Variants in NALF1 observed in about 807,000 individuals in gnomAD.
The protein encoded by NALF1 is NALCN channel auxiliary factor 1, also known as family with sequence similarity 155 member A.
In NALF1, 3 loss-of-function variants were observed where a neutral mutation model predicts 48.4. That is an observed-to-expected ratio of 0.06 (90% CI 0.03 to 0.16). NALF1 has a LOEUF of 0.16. NALF1 is among the 10% of genes least tolerant of loss of function. NALF1 has a pLI of 1.00. For synonymous variants in NALF1, 262 were observed against 245.7 expected, an observed-to-expected ratio of 1.07 and a Z score of -0.62; for missense variants, 526 against 571.5, an observed-to-expected ratio of 0.92 and a Z score of 0.81.
intron 1 of NALF1, among the ~76,000 whole-genome samples, chr13:107,227,177 A>T (rs1880123928): frequency 6.6e-6 from 1 of 152,230 alleles, no homozygotes; most frequent in Non-Finnish European, 1.5e-5. Flanking sequence ...CTGTTTGTGC[A>T]TCATGCACCA....
At chr13:107,197,969 G>A (rs985148034) in intron 2 of NALF1, among the ~76,000 whole-genome samples, 1 of 152,132 alleles carries the variant, frequency 6.6e-6, no homozygotes, top group African/African-American at 2.4e-5. Flanking sequence ...AAAAGTATTA[G>A]TCTATATTTC....
At chr13:107,363,377 C>T (rs772092039) in intron 1 of NALF1, among the ~76,000 whole-genome samples, 2 of 152,022 alleles carry the variant, frequency 1.3e-5, no homozygotes, top group African/African-American at 2.4e-5. Flanking sequence ...AAGGATCACT[C>T]GAGCCTAGGA....
intron 1 of NALF1, among the ~76,000 whole-genome samples, chr13:107,356,667 A>C (rs1882968883): frequency 1.3e-5 from 2 of 152,212 alleles, no homozygotes; most frequent in African/African-American, 2.4e-5. Context: ...CACCAGAGCA[A>C]AGTTTTAGAC....
intron 1 of NALF1, among the ~76,000 whole-genome samples, chr13:107,337,834 G>A (rs919329455): frequency 2.0e-5 from 3 of 152,086 alleles, no homozygotes; most frequent in Non-Finnish European, 4.4e-5. Flanking sequence ...ACGTCTCTAA[G>A]CCTCTATTGT....
chr13:107,347,301 G>A (rs966363972), intron 1 of NALF1, among the ~76,000 whole-genome samples: 3 of 152,168 alleles, frequency 2.0e-5, no homozygotes, highest in Non-Finnish European at 2.9e-5. Context: ...CACTTGCCTA[G>A]GACACCACCA....
In NALF1 at chr13:107,349,875, C is replaced by T. The variant is rs570441706; in HGVS notation, c.916-139120G>A. Among the ~76,000 whole-genome samples, 88 of 152,158 alleles carry T rather than the reference C, an allele frequency of 5.8e-4. No homozygotes were observed. The South Asian group carries it at 0.018, about 31-fold the overall frequency. On this transcript the variant is annotated intron_variant, in intron 1 of 2. Transcript: ENST00000375915. ...TTTATATTCTCTATTGCAGTGGTCC[C>T]CAACCATTTTGGCACCAGGAACCGA... is the stretch of plus-strand genomic sequence containing the variant.
At chr13:107,329,555 G>T (rs886115446) in intron 1 of NALF1, among the ~76,000 whole-genome samples, 3 of 151,552 alleles carry the variant, frequency 2.0e-5, no homozygotes, top group Non-Finnish European at 2.9e-5. Context: ...CAACGTGCAG[G>T]TTTGTTACAT....
chr13:107,782,659 C>A (rs1877930963), intron 1 of NALF1, among the ~76,000 whole-genome samples: 1 of 151,702 alleles, frequency 6.6e-6, no homozygotes, highest in Non-Finnish European at 1.5e-5. Context: ...AGCGTCTCTG[C>A]CCGGCCGGCC....
chr13:107,717,373 C>T (rs1300776521), intron 1 of NALF1, among the ~76,000 whole-genome samples: 1 of 152,114 alleles, frequency 6.6e-6, no homozygotes, highest in Non-Finnish European at 1.5e-5. Flanking sequence ...CCAGCACATA[C>T]CCACAGAATC....
At chr13:107,447,543 G>A (rs1171478511) in intron 1 of NALF1, among the ~76,000 whole-genome samples, 1 of 152,132 alleles carries the variant, frequency 6.6e-6, no homozygotes, top group Non-Finnish European at 1.5e-5. Flanking sequence ...CAATATGCTA[G>A]GCATCATTCT....
intron 1 of NALF1, among the ~76,000 whole-genome samples, chr13:107,643,962 ATTT>A (rs35582790): frequency 6.2e-4 from 86 of 138,110 alleles, no homozygotes; most frequent in Admixed American, 2.1e-3. Context: ...GTTTCAGATG[ATTT>A]TTTTTTTTTT....
At chr13:107,753,148 G>C (rs2138554379) in intron 1 of NALF1, among the ~76,000 whole-genome samples, 1 of 152,278 alleles carries the variant, frequency 6.6e-6, no homozygotes, top group Middle Eastern at 3.4e-3. Flanking sequence ...TTGCAGCCCT[G>C]GGTTTGGCCA....
chr13:107,182,088 TCTTA>T (rs1301816931), intron 2 of NALF1, among the ~76,000 whole-genome samples: 2 of 152,208 alleles, frequency 1.3e-5, no homozygotes, highest in African/African-American at 4.8e-5. Flanking sequence ...ACTCACTTGC[TCTTA>T]CTGTCAGCTC....
intron 1 of NALF1, among the ~76,000 whole-genome samples, chr13:107,481,350 C>A (rs1486713088): frequency 6.6e-6 from 1 of 152,142 alleles, no homozygotes; most frequent in African/African-American, 2.4e-5. Context: ...GCTAACGATA[C>A]ATCTTGTCAC....
At chr13:107,285,579 A>G (rs1183133929) in intron 1 of NALF1, among the ~76,000 whole-genome samples, 2 of 152,214 alleles carry the variant, frequency 1.3e-5, no homozygotes, top group Non-Finnish European at 2.9e-5. Flanking sequence ...TGCAAACCAT[A>G]TATGTGTATG....
chr13:107,551,278 T>C (rs927262192), intron 1 of NALF1, among the ~76,000 whole-genome samples: 1 of 152,196 alleles, frequency 6.6e-6, no homozygotes, highest in African/African-American at 2.4e-5. Context: ...TGCATTTATG[T>C]CTTATATTTA....
chr13:107,550,924 G>C lies in NALF1; in HGVS notation c.915+314758C>G, dbSNP rs151005828. On this transcript the variant is annotated intron_variant, in intron 1 of 2. Coordinates refer to ENST00000375915, the MANE Select transcript of NALF1 (RefSeq NM_001080396.3). ...CAGAAAAAAAAAAAACTTATTGTTT[G>C]TGCTGTTGTTTCCCCTTTAGTCTCT... 2.5e-3 allele frequency among the ~76,000 whole-genome samples: 370 copies of C among 151,016 alleles called. 2 individuals carry two copies. The highest frequency in any genetic ancestry group is 8.1e-3 in the African/African-American group (336 of 41,296).
chr13:107,785,557 G>C (rs1878046415), intron 1 of NALF1, among the ~76,000 whole-genome samples: 1 of 152,118 alleles, frequency 6.6e-6, no homozygotes, highest in Admixed American at 6.5e-5. Context: ...GGAAGGGTGA[G>C]AGAGGGGTAA....
rs1412503470 is a variant in NALF1, at chr13:107,867,427, C to A, written c.-831G>T. ...GCCGAATCGCCTGGGCTGGGCCTCC[C>A]GAGAGCCACAGTCATCTTCAGTCCG... On this transcript the variant is annotated 5_prime_UTR_variant, in exon 1 of 3. Coordinates refer to ENST00000375915, the MANE Select transcript of NALF1 (RefSeq NM_001080396.3). This position sits in a 1 kb window ranked among gnomAD's most constrained non-coding sequence, Gnocchi z 4.4. Among the ~76,000 whole-genome samples, 1 of 149,150 alleles carries A rather than the reference C, an allele frequency of 6.7e-6. No individual in the cohort carries two copies. The highest frequency in any genetic ancestry group is 2.1e-4 in the South Asian group (1 of 4,812).
Sources: gnomAD v4.1 joint callset for allele counts (sites outside exome capture counted in the v4.1 genomes callset) on GRCh38, gnomAD v4.1.1 for gene constraint, Gnocchi (gnomAD v3.1) non-coding constraint, MANE v1.5 for transcripts, NCBI Gene and HGNC (gene_info 2026-07-23, HGNC 2026-07-21) for gene names.